The following SLC2A14 variants were observed in gnomAD, a reference collection of about 807,000 sequenced individuals.
The protein encoded by SLC2A14 is solute carrier family 2 member 14, also known as solute carrier family 2, facilitated glucose transporter member 14.
A neutral mutation model predicts 43.0 loss-of-function variants in SLC2A14; 13 were observed. The observed-to-expected ratio is 0.30, with a 90% CI of 0.20 to 0.48. The LOEUF (loss-of-function observed/expected upper bound fraction) is 0.48. Ranked by LOEUF, SLC2A14 falls within the 20% of genes least tolerant of loss-of-function variation. The pLI is 0.99. For missense variants in SLC2A14, 428 were observed against 620.4 expected (o/e 0.69, Z 3.29); for synonymous variants, 190 against 233.8 (o/e 0.81, Z 1.71).
chr12:7,889,574 T>G (rs7979063), intron 1 of SLC2A14, among the ~76,000 whole-genome samples: 99,928 of 149,190 alleles, frequency 0.67, 33,674 homozygotes, highest in Admixed American at 0.76. Context: ...TTGCTCTTGT[T>G]GCCCAGGCTG....
chr12:7,869,962 T>C, intron 1 of SLC2A14, 25 bp from the exon 2 acceptor site: 1 of 1,437,106 alleles, frequency 7.0e-7, no homozygotes, highest in South Asian at 1.3e-5. Flanking sequence ...TGTCTAGTTA[T>C]TCATTTACTC....
chr12:7,858,644 C>CT (rs776350040), intron 2 of SLC2A14, among the ~76,000 whole-genome samples: 3 of 152,200 alleles, frequency 2.0e-5, no homozygotes, highest in Non-Finnish European at 4.4e-5. Flanking sequence ...GGATTCCAGG[C>CT]ATGTGCCACC....
intron 2 of SLC2A14, among the ~76,000 whole-genome samples, chr12:7,862,033 A>G (rs1231544739): frequency 2.0e-5 from 3 of 151,524 alleles, no homozygotes; most frequent in African/African-American, 7.3e-5. Context: ...TGGGAGGCCA[A>G]GTCAGGTGGA....
chr12:7,842,646 C>T (rs867743870), intron 2 of SLC2A14, among the ~76,000 whole-genome samples: 5 of 152,074 alleles, frequency 3.3e-5, no homozygotes, highest in African/African-American at 1.2e-4. Context: ...TACCACCCCC[C>T]TCCCCCCACT....
intron 9 of SLC2A14, 42 bp from the exon 10 acceptor site, chr12:7,818,076 T>C: frequency 1.9e-6 from 3 of 1,574,880 alleles, no homozygotes; most frequent in East Asian, 4.5e-5. Flanking sequence ...TTAAAGACAG[T>C]GTAACCCAGG....
chr12:7,859,265 C>T (rs970206322), intron 2 of SLC2A14, among the ~76,000 whole-genome samples: 8 of 152,070 alleles, frequency 5.3e-5, no homozygotes, highest in African/African-American at 1.7e-4. Context: ...TGGCGCATGC[C>T]TGTAATCCCA....
chr12:7,814,469 G>T lies in SLC2A14; in HGVS notation c.1341C>A (p.Thr447=). 1.1e-5 allele frequency: 18 copies of T among 1,613,628 alleles called. No homozygotes were observed. The highest frequency in any genetic ancestry group is 1.7e-5 in the Admixed American group (1 of 59,908). The change falls in exon 11 of 11, where the codon ACC becomes ACA. Residue 447 remains threonine, a synonymous_variant. Coordinates refer to ENST00000431042, the MANE Select transcript of SLC2A14 (RefSeq NM_001286234.2). ...CACGGGTCTCAGGGACTTTGAAGAA[G>T]GTAAAGGCCAAGAAGGTAATGAGGA... The part of the protein sequence containing the change: ...TGFLITFLAF[T]FFKVPETRGR...
At chr12:7,871,220 A>G in intron 1 of SLC2A14, 1 of 1,247,184 alleles carries the variant, frequency 8.0e-7, no homozygotes, top group Non-Finnish European at 1.0e-6. Flanking sequence ...CATGAGGACC[A>G]CCTCCAGGAG....
chr12:7,814,805 T>C (rs1266708329), intron 10 of SLC2A14, among the ~76,000 whole-genome samples: 1 of 152,058 alleles, frequency 6.6e-6, no homozygotes, highest in East Asian at 2.0e-4. Context: ...ATTATTATTA[T>C]TATTATTATT....
chr12:7,849,838 G>A (rs912316975), intron 2 of SLC2A14, among the ~76,000 whole-genome samples: 7 of 150,892 alleles, frequency 4.6e-5, no homozygotes, highest in African/African-American at 1.7e-4. Context: ...CTGGGAGGTA[G>A]AGGTTGCAGT....
In SLC2A14 at chr12:7,827,612, C is replaced by T; in HGVS notation, c.747G>A (p.Arg249=). 1.2e-6 allele frequency: 2 copies of T among 1,613,170 alleles called. No individual in the cohort carries two copies. Among genetic ancestry groups the T allele is most frequent in the Non-Finnish European group, 1.7e-6 (2 of 1,179,822 alleles). ...CGGTGACTTGCTTTTCTTGTGACAT[C>T]CTTGCACTCTCATCTTTCATCTCCT... ...DIQEMKDESA[R]MSQEKQVTVL... The change falls in exon 7 of 11, where the codon AGG becomes AGA. Residue 249 remains arginine, a synonymous_variant. Coordinates refer to ENST00000431042, the MANE Select transcript of SLC2A14 (RefSeq NM_001286234.2).
chr12:7,853,695 A>G (rs1316890024), intron 2 of SLC2A14, among the ~76,000 whole-genome samples: 2 of 152,154 alleles, frequency 1.3e-5, no homozygotes, highest in East Asian at 3.8e-4. Context: ...TACATTTTGT[A>G]TATGATTATT....
At chr12:7,874,999 TAAA>T (rs1342858245), upstream of SLC2A14, among the ~76,000 whole-genome samples, 8 of 102,476 alleles carry the variant, frequency 7.8e-5, no homozygotes, top group Non-Finnish European at 1.1e-4. Flanking sequence ...AAATTATATA[TAAA>T]TACATATATA....
Position 7,816,082 on chromosome 12 carries a change from AT to A in SLC2A14, c.1276-1549del, listed in dbSNP as rs1330955248. Among the ~76,000 whole-genome samples the A allele has an allele frequency of 5.5e-4, 60 of 108,794 alleles. 17 individuals are homozygous for A. Among genetic ancestry groups the A allele is most frequent in the African/African-American group, 2.4e-3 (57 of 23,282 alleles). The allele number at this position is 108,794 out of a possible 152,430, so 71.4% of individuals were successfully genotyped here. On this transcript the variant is annotated intron_variant, in intron 10 of 10. Transcript: ENST00000431042. ...CACCCAGCTAATTTCTTGAATTTTT[AT>A]TTTTTATTTTTTTTATTTTTTTTAT... is the stretch of plus-strand genomic sequence containing the variant.
At chr12:7,838,225 C>T (rs762201236) in intron 2 of SLC2A14, among the ~76,000 whole-genome samples, 7 of 151,882 alleles carry the variant, frequency 4.6e-5, no homozygotes, top group Non-Finnish European at 7.4e-5. Flanking sequence ...GTAGCTGGGA[C>T]TACAGGCGCC....
rs772405524 is a variant in SLC2A14 at position 7,832,671 on chromosome 12, A to G, written c.111+51T>C. Reference sequence around the variant, plus strand: ...TTCTGAATTCTTGAAACCCTACTTAAAGGAATAATTTCCCTATTCCAGATT... The same window carrying G: ...TTCTGAATTCTTGAAACCCTACTTAGAGGAATAATTTCCCTATTCCAGATT... On this transcript the variant is annotated intron_variant, in intron 3 of 10. Coordinates refer to ENST00000431042, the MANE Select transcript of SLC2A14 (RefSeq NM_001286234.2). 3 of 1,590,144 alleles carry G rather than the reference A, an allele frequency of 1.9e-6. No individual in the cohort carries two copies. The African/African-American group carries it at 4.0e-5, about 21-fold the overall frequency.
chr12:7,857,079 A>G (rs1162738357), intron 2 of SLC2A14, among the ~76,000 whole-genome samples: 5 of 150,854 alleles, frequency 3.3e-5, no homozygotes, highest in East Asian at 2.0e-4. Context: ...GTGAAACCCC[A>G]TCTCTACTAA....
intron 6 of SLC2A14, 83 bp downstream of exon 6, chr12:7,828,621 G>A (rs1207263491): frequency 2.1e-5 from 29 of 1,403,426 alleles, no homozygotes; most frequent in Middle Eastern, 1.9e-4. Flanking sequence ...GAAAGGGTAC[G>A]ACAGAAAATA....
At chr12:7,871,328 G>A in intron 1 of SLC2A14, 1 of 953,566 alleles carries the variant, frequency 1.0e-6, no homozygotes, top group Non-Finnish European at 1.3e-6. Context: ...CAACTAGGTG[G>A]AGTTCACCTG....
Sources: gnomAD v4.1 joint callset for allele counts (sites outside exome capture counted in the v4.1 genomes callset) on GRCh38, gnomAD v4.1.1 for gene constraint, MANE v1.5 for transcripts, NCBI Gene and HGNC (gene_info 2026-07-23, HGNC 2026-07-21) for gene names.